Variants in CDON observed in about 807,000 individuals in gnomAD.
The protein encoded by CDON is cell adhesion molecule-related/down-regulated by oncogenes.
A neutral mutation model predicts 120.9 loss-of-function variants in CDON; 73 were observed. The observed-to-expected ratio is 0.60, with a 90% CI of 0.50 to 0.73. The LOEUF (loss-of-function observed/expected upper bound fraction) is 0.73, where lower values mean the gene tolerates loss of function less well. Among genes scored for constraint, CDON ranks in the 30% least tolerant of loss-of-function variants. The pLI is 0.00. For missense variants in CDON, 1,470 were observed against 1,587.3 expected (o/e 0.93, Z 1.26); for synonymous variants, 566 against 573.5 (o/e 0.99, Z 0.19).
At chr11:125,966,554 G>A (rs772181490) in intron 18 of CDON, among the ~76,000 whole-genome samples, 11 of 152,130 alleles carry the variant, frequency 7.2e-5, no homozygotes, top group Admixed American at 2.6e-4. Context: ...AACAGAAGCC[G>A]CACTGGAGAC....
At chr11:126,000,483 C>T (rs1451144807) in intron 11 of CDON, among the ~76,000 whole-genome samples, 1 of 152,240 alleles carries the variant, frequency 6.6e-6, no homozygotes, top group Non-Finnish European at 1.5e-5. Context: ...ACTAGCATTA[C>T]AGGCGTGAGC....
chr11:125,966,982 G>A (rs978957566), intron 18 of CDON, among the ~76,000 whole-genome samples: 1 of 151,042 alleles, frequency 6.6e-6, no homozygotes, highest in African/African-American at 2.4e-5. Context: ...GAAATATTAA[G>A]GGAAGTTCTT....
intron 10 of CDON, 151 bp downstream of exon 10, chr11:126,003,751 C>T (rs1415554642): frequency 9.6e-6 from 7 of 725,704 alleles, no homozygotes; most frequent in Admixed American, 8.2e-5. Flanking sequence ...ACCGGGGAGG[C>T]GGAGGTTGCA....
At chr11:126,015,532 T>TA (rs757692395) in intron 6 of CDON, 22 bp from the exon 7 acceptor site, 3 of 1,611,870 alleles carry the variant, frequency 1.9e-6, no homozygotes, top group South Asian at 2.2e-5. Context: ...ACACACAAAT[T>TA]AAACTCTAGC....
chr11:125,983,665 G>A (rs570586753), intron 16 of CDON, among the ~76,000 whole-genome samples: 5 of 152,260 alleles, frequency 3.3e-5, no homozygotes, highest in African/African-American at 1.2e-4. Context: ...TGGTGTTTAT[G>A]TCTGCTGGGC....
Position 126,000,695 on chromosome 11 carries a change from C to G in CDON, c.2158+1024G>C, listed in dbSNP as rs192856475. ...TGCTTAAGGTAGCTGAAACGTGCCT[C>G]AAAGATAAGAGCACTCAAGTAAAAG... On this transcript the variant is annotated intron_variant, in intron 11 of 19. Transcript: ENST00000531738. 1.2e-4 allele frequency among the ~76,000 whole-genome samples: 18 copies of G among 152,190 alleles called. No individual in the cohort carries two copies. In the East Asian group the frequency reaches 3.5e-3, roughly 29 times the overall value.
chr11:126,001,669 A>C, intron 11 of CDON, 50 bp downstream of exon 11: 16 of 1,561,836 alleles, frequency 1.0e-5, no homozygotes, highest in Non-Finnish European at 1.4e-5. Context: ...CAAAATCTGA[A>C]GCAGGTCAGT....
At chr11:126,053,203 T>C (rs909498936) in intron 1 of CDON, among the ~76,000 whole-genome samples, 7 of 152,130 alleles carry the variant, frequency 4.6e-5, no homozygotes, top group African/African-American at 1.7e-4. Context: ...AATGACCCCA[T>C]TTAAAAAGGC....
chr11:125,968,013 C>A (rs372777560), intron 18 of CDON, among the ~76,000 whole-genome samples: 1 of 152,068 alleles, frequency 6.6e-6, no homozygotes, highest in African/African-American at 2.4e-5. Flanking sequence ...TGGGCCACCA[C>A]GCCTGGCTAA....
chr11:125,982,846 C>T (rs1946351874), intron 16 of CDON, among the ~76,000 whole-genome samples: 1 of 152,122 alleles, frequency 6.6e-6, no homozygotes, highest in African/African-American at 2.4e-5. Flanking sequence ...AAATGATCAC[C>T]ATCCCTTTCA....
chr11:125,984,151 GT>G, intron 15 of CDON, 58 bp from the exon 16 acceptor site: 1 of 1,243,722 alleles, frequency 8.0e-7, no homozygotes. Flanking sequence ...CCATGAAATG[GT>G]TTACTCTCTG....
rs186202768 is a variant in CDON at position 125,957,103 on chromosome 11, T to C, written c.*3839A>G. 35 of 153,568 alleles carry C rather than the reference T, an allele frequency of 2.3e-4. No individual in the cohort carries two copies. The highest frequency in any genetic ancestry group is 3.4e-3 in the Middle Eastern group (1 of 298). 9.5% of individuals were successfully genotyped at this position (153,568 alleles called of 1,614,324 possible). ...CTCGGTTAATGGTAAAAATAGACAA[T>C]GTGTGAGGCGGGACCGCTCCTCCTC... On this transcript the variant is annotated 3_prime_UTR_variant, in exon 20 of 20. Transcript: ENST00000531738.
chr11:126,002,219 T>C (rs1946967218), intron 10 of CDON, among the ~76,000 whole-genome samples: 1 of 152,232 alleles, frequency 6.6e-6, no homozygotes, highest in Non-Finnish European at 1.5e-5. Flanking sequence ...GAGCTTCTGC[T>C]AAGTTTTCTA....
In CDON at chr11:125,993,348, AAC is replaced by A. The variant is rs1946682339; in HGVS notation, c.2650+934_2650+935del. Among the ~76,000 whole-genome samples the A allele has an allele frequency of 4.0e-5, 6 of 150,702 alleles. No homozygotes were observed. The South Asian group carries it at 1.0e-3, about 26-fold the overall frequency. ...GACAGACTTTAAGCAAATAGTTTCA[AAC>A]ACACACACAGTCTCTGTCTCTCACA... On this transcript the variant is annotated intron_variant, in intron 14 of 19. Transcript: ENST00000531738.
chr11:126,052,940 A>G (rs909440174), intron 1 of CDON, among the ~76,000 whole-genome samples: 9 of 152,240 alleles, frequency 5.9e-5, no homozygotes, highest in African/African-American at 2.2e-4. Flanking sequence ...GAAGATCTGC[A>G]TAAGTTATAT....
intron 1 of CDON, among the ~76,000 whole-genome samples, chr11:126,060,757 C>T (rs1948777492): frequency 6.6e-6 from 1 of 152,206 alleles, no homozygotes; most frequent in Non-Finnish European, 1.5e-5. Flanking sequence ...CTACCTACTG[C>T]CTTCAGCTGT....
chr11:125,973,505 TG>T (rs1195049030), intron 18 of CDON, among the ~76,000 whole-genome samples: 2 of 152,306 alleles, frequency 1.3e-5, no homozygotes, highest in Non-Finnish European at 2.9e-5. Context: ...CACTCCAGCC[TG>T]GGCAACAGAG....
At chr11:126,012,494 C>T (rs556321468) in intron 7 of CDON, among the ~76,000 whole-genome samples, 16 of 151,862 alleles carry the variant, frequency 1.1e-4, no homozygotes, top group Admixed American at 9.2e-4. Context: ...CTCCACCTCC[C>T]GGGTTCTAGA....
chr11:125,965,056 C>G, intron 18 of CDON, among the ~76,000 whole-genome samples: 1 of 152,080 alleles, frequency 6.6e-6, no homozygotes, highest in East Asian at 1.9e-4. Flanking sequence ...CCTCCCAAGT[C>G]ACTGGGATTA....
Sources: gnomAD v4.1 joint callset for allele counts (sites outside exome capture counted in the v4.1 genomes callset) on GRCh38, gnomAD v4.1.1 for gene constraint, MANE v1.5 for transcripts, NCBI Gene and HGNC (gene_info 2026-07-23, HGNC 2026-07-21) for gene names.